The following CAMKK2 variants were observed in gnomAD, a reference collection of about 807,000 sequenced individuals.
CAMKK2 encodes the protein calcium/calmodulin dependent protein kinase kinase 2.
A neutral mutation model predicts 67.2 loss-of-function variants in CAMKK2; 30 were observed. The ratio of observed to expected loss-of-function variants is 0.45; its 90% CI spans 0.33 to 0.61. The LOEUF (loss-of-function observed/expected upper bound fraction) is 0.61, where lower values mean the gene tolerates loss of function less well. Ranked by LOEUF, CAMKK2 falls within the 20% of genes least tolerant of loss-of-function variation. The pLI is 0.02. For missense variants in CAMKK2, 643 were observed against 802.0 expected (o/e 0.80, Z 2.39); for synonymous variants, 322 against 326.2 (o/e 0.99, Z 0.14).
Position 121,253,074 on chromosome 12 carries a change from A to G in CAMKK2, c.1107+199T>C, listed in dbSNP as rs1164990591. On this transcript the variant is annotated intron_variant, in intron 10 of 16. Transcript: ENST00000404169. The surrounding 1 kb of genome is among the most constrained non-coding windows in gnomAD (Gnocchi z 5.0). The stretch of plus-strand genomic sequence containing the variant: ...CTGACCCACCTGTGGAGGAAACCAA[A>G]TAAGAAAAACAACTGAAAGATGGCG... 6.6e-6 allele frequency among the ~76,000 whole-genome samples: 1 copy of G among 152,214 alleles called. No individual in the cohort carries two copies. The highest frequency in any genetic ancestry group is 2.4e-5 in the African/African-American group (1 of 41,452).
rs535938535 is a variant in CAMKK2 at position 121,287,781 on chromosome 12, C to T, written c.-60+8857G>A. On this transcript the variant is annotated intron_variant, in intron 1 of 16. Transcript: ENST00000404169. ...GGCCAGGATTCGAGACCAGCTTGGG[C>T]AACACAGCAAGACCCCATCACCACA... Among the ~76,000 whole-genome samples, 458 of 152,136 alleles carry T rather than the reference C, an allele frequency of 3.0e-3. 1 individual carries two copies. The highest frequency in any genetic ancestry group is 0.01 in the Middle Eastern group (3 of 292).
At chr12:121,274,932 C>T (rs74501438) in intron 1 of CAMKK2, among the ~76,000 whole-genome samples, 1,730 of 151,796 alleles carry the variant, frequency 0.011, 29 homozygotes, top group African/African-American at 0.04. Context: ...CTCAGCCTCC[C>T]AAGTAGCTGG....
intron 6 of CAMKK2, among the ~76,000 whole-genome samples, chr12:121,263,127 G>A (rs1354529353): frequency 2.6e-5 from 4 of 152,146 alleles, no homozygotes; most frequent in Admixed American, 1.3e-4. Context: ...CCGCCACCAC[G>A]CCCAGCTAAT....
chr12:121,243,788 G>T, intron 16 of CAMKK2: 2 of 950,898 alleles, frequency 2.1e-6, no homozygotes, highest in South Asian at 2.5e-5. Flanking sequence ...TACACTTCCC[G>T]TGGGTGAATT....
intron 1 of CAMKK2, among the ~76,000 whole-genome samples, chr12:121,282,019 G>A (rs1196413877): frequency 6.6e-6 from 1 of 152,138 alleles, no homozygotes; most frequent in Non-Finnish European, 1.5e-5. Context: ...TGATCAAAGA[G>A]AATACCAGAG....
intron 1 of CAMKK2, among the ~76,000 whole-genome samples, chr12:121,289,155 C>T (rs1899435988): frequency 6.6e-6 from 1 of 152,120 alleles, no homozygotes; most frequent in Non-Finnish European, 1.5e-5. Flanking sequence ...GTTTCCGTCA[C>T]CTCCTGGGCC....
intron 11 of CAMKK2, 67 bp downstream of exon 11, chr12:121,252,594 G>C: frequency 6.9e-7 from 1 of 1,445,170 alleles, no homozygotes; most frequent in Admixed American, 1.7e-5. Context: ...CTGTCTCCCC[G>C]CAAGGGTGAC....
intron 1 of CAMKK2, among the ~76,000 whole-genome samples, chr12:121,288,780 G>A (rs182168118): frequency 2.7e-5 from 4 of 148,692 alleles, no homozygotes; most frequent in Middle Eastern, 3.4e-3. Context: ...TCCAGGTTGG[G>A]ATTAGCATTT....
chr12:121,264,104 C>T (rs1213862361), intron 5 of CAMKK2, among the ~76,000 whole-genome samples, 165 bp from the exon 6 acceptor site: 2 of 152,198 alleles, frequency 1.3e-5, no homozygotes, highest in Non-Finnish European at 1.5e-5. Context: ...TCCTCTGTCT[C>T]CTCTGCTGCT....
chr12:121,284,924 T>C (rs979230586), intron 1 of CAMKK2, among the ~76,000 whole-genome samples: 1 of 152,256 alleles, frequency 6.6e-6, no homozygotes, highest in African/African-American at 2.4e-5. Flanking sequence ...TTCCCGGGCC[T>C]AGAACTTTCT....
chr12:121,245,301 G>A lies in CAMKK2; in HGVS notation c.1453-61C>T. 1 of 1,013,306 alleles carries A rather than the reference G, an allele frequency of 9.9e-7. No individual in the cohort carries two copies. The highest frequency in any genetic ancestry group is 1.5e-6 in the Non-Finnish European group (1 of 655,564). The allele number at this position is 1,013,306 out of a possible 1,614,324, so 62.8% of individuals were successfully genotyped here. A position where few individuals can be genotyped will look rare whatever the true frequency, so the allele number is the denominator to read the frequency against. On this transcript the variant is annotated intron_variant, in intron 14 of 16. Coordinates refer to ENST00000404169, the MANE Select transcript of CAMKK2 (RefSeq NM_001270485.2). The surrounding 1 kb of genome is among the most constrained non-coding windows in gnomAD (Gnocchi z 5.8). The stretch of plus-strand genomic sequence containing the variant: ...GCTTGGCCATGTGGGGGCGATTCTG[G>A]GCAACATCCTCCCTCTTCCTTCTCC...
At chr12:121,249,058 C>T (rs1890101440) in intron 13 of CAMKK2, among the ~76,000 whole-genome samples, 1 of 152,238 alleles carries the variant, frequency 6.6e-6, no homozygotes, top group Admixed American at 6.5e-5. Flanking sequence ...GCCACAATCC[C>T]TGACACCTGG....
At chr12:121,290,164 T>G (rs940932484) in intron 1 of CAMKK2, among the ~76,000 whole-genome samples, 8 of 152,190 alleles carry the variant, frequency 5.3e-5, no homozygotes, top group African/African-American at 1.9e-4. Flanking sequence ...GTCTGGAACA[T>G]GGAAGGGTTC....
intron 2 of CAMKK2, among the ~76,000 whole-genome samples, chr12:121,273,666 G>C (rs11835572): frequency 0.13 from 20,442 of 151,970 alleles, 1,814 homozygotes; most frequent in African/African-American, 0.25. Context: ...ACACCCACAG[G>C]GGGTCACACA....
Position 121,240,524 on chromosome 12 carries a change from C to CTTTT in CAMKK2, c.*171_*174dup, listed in dbSNP as rs63023660. The CTTTT allele has an allele frequency of 0.048, 68,562 of 1,442,254 alleles. 183 individuals are homozygous for CTTTT. Among genetic ancestry groups the CTTTT allele is most frequent in the South Asian group, 0.071 (5,533 of 77,386 alleles). The allele number at this position is 1,442,254 out of a possible 1,614,324, so 89.3% of individuals were successfully genotyped here. A position where few individuals can be genotyped will look rare whatever the true frequency, so the allele number is the denominator to read the frequency against. On this transcript the variant is annotated 3_prime_UTR_variant, in exon 17 of 17. Transcript: ENST00000404169. The surrounding 1 kb of genome is among the most constrained non-coding windows in gnomAD (Gnocchi z 4.4). Reference sequence around the variant, plus strand: ...ACGGTCGACGTCATGGAGTCAAGTCCTTTTTTTTTTTTTGTCCCCTTTAAA... The same window carrying CTTTT: ...ACGGTCGACGTCATGGAGTCAAGTCCTTTTTTTTTTTTTTTTTGTCCCCTTTAAA...
Position 121,240,237 on chromosome 12 carries a change from T to C in CAMKK2, c.*462A>G. On this transcript the variant is annotated 3_prime_UTR_variant, in exon 17 of 17. Transcript: ENST00000404169. This position sits in a 1 kb window ranked among gnomAD's most constrained non-coding sequence, Gnocchi z 4.4. ...TCTGGAAGGTGCCATGGTTTCCGGTTTGCACTAGGAGCCACATCTAGCCCC... is the reference window on the plus strand; with the variant it reads ...TCTGGAAGGTGCCATGGTTTCCGGTCTGCACTAGGAGCCACATCTAGCCCC... 1.6e-6 allele frequency: 1 copy of C among 606,460 alleles called. No homozygotes were observed. The highest frequency in any genetic ancestry group is 2.9e-6 in the Non-Finnish European group (1 of 347,490). The allele number at this position is 606,460 out of a possible 1,614,324, so 37.6% of individuals were successfully genotyped here.
At position 121,240,903 on chromosome 12, in the gene CAMKK2, CTG is replaced by C. The variant is rs1566025292; in HGVS notation, c.1597-36_1597-35del. 6.2e-6 allele frequency: 10 copies of C among 1,607,020 alleles called. No homozygotes were observed. Among genetic ancestry groups the C allele is most frequent in the Admixed American group, 1.7e-5 (1 of 58,772 alleles). Reference sequence around the variant, plus strand: ...CGAACAGAAAACCAACATTAAGACTCTGAGAAATGCCAGCGAGGCCCTGAGCC... The same window carrying C: ...CGAACAGAAAACCAACATTAAGACTCAGAAATGCCAGCGAGGCCCTGAGCC... On this transcript the variant is annotated intron_variant, in intron 16 of 16. Coordinates refer to ENST00000404169, the MANE Select transcript of CAMKK2 (RefSeq NM_001270485.2). The surrounding 1 kb of genome is among the most constrained non-coding windows in gnomAD (Gnocchi z 4.4).
chr12:121,261,553 G>T (rs1325417423), intron 6 of CAMKK2, among the ~76,000 whole-genome samples: 3 of 152,162 alleles, frequency 2.0e-5, no homozygotes, highest in African/African-American at 7.2e-5. Context: ...CCAAGAAAGG[G>T]AGGCACCCTA....
rs1891237852 is a variant in CAMKK2, at chr12:121,253,560, C to T, written c.908-88G>A. On this transcript the variant is annotated intron_variant, in intron 9 of 16. Transcript: ENST00000404169. This position sits in a 1 kb window ranked among gnomAD's most constrained non-coding sequence, Gnocchi z 5.0. The stretch of plus-strand genomic sequence containing the variant: ...CGGCCACATGGCCTGGAGACACAGG[C>T]ATGGCACCCCTCTGATGCCTTGTCT... 1 of 1,109,798 alleles carries T rather than the reference C, an allele frequency of 9.0e-7. No homozygotes were observed. The highest frequency in any genetic ancestry group is 1.4e-6 in the Non-Finnish European group (1 of 730,874). The allele number at this position is 1,109,798 out of a possible 1,614,324, so 68.7% of individuals were successfully genotyped here.
Sources: allele counts gnomAD v4.1 joint callset (sites outside exome capture counted in the v4.1 genomes callset), GRCh38; gene constraint gnomAD v4.1.1; non-coding constraint Gnocchi (gnomAD v3.1); transcripts MANE v1.5; gene names NCBI Gene and HGNC (gene_info 2026-07-23, HGNC 2026-07-21).